Variants in DHX57 observed in about 807,000 individuals in gnomAD.
DHX57 encodes the protein DExH-box helicase 57.
DHX57 carries 105 observed loss-of-function variants against 156.2 expected under a neutral mutation model. That is an observed-to-expected ratio of 0.67 (90% CI 0.57 to 0.79). The LOEUF (loss-of-function observed/expected upper bound fraction) is 0.79, where lower values mean the gene tolerates loss of function less well. DHX57 is among the 30% of genes least tolerant of loss of function. The probability of loss-of-function intolerance (pLI) is 0.00; values close to 1 mark genes in which losing one functional copy is unlikely to be tolerated. For synonymous variants in DHX57, 704 were observed against 595.6 expected (o/e 1.18, Z -2.65); for missense variants, 1,847 against 1,661.9 (o/e 1.11, Z -1.94).
At chr2:38,810,657 C>T in intron 21 of DHX57, 1 of 677,824 alleles carries the variant, frequency 1.5e-6, no homozygotes, top group East Asian at 3.1e-5. Context: ...GGTCCTGGGA[C>T]TTGGCAATGC....
chr2:38,848,662 A>G (rs570813582), intron 9 of DHX57, among the ~76,000 whole-genome samples: 1 of 152,336 alleles, frequency 6.6e-6, no homozygotes. Context: ...GCATATACAT[A>G]ATGAGATATC....
In DHX57 at chr2:38,845,483, A is replaced by G. The variant is rs191649304; in HGVS notation, c.2219+1536T>C. On this transcript the variant is annotated intron_variant, in intron 11 of 23. Transcript: ENST00000457308. ...GGGGGGCTTATTAGAGAAGGAAGGA[A>G]CAGAGAAGGAGAAAAATTCTGACTT... Among the ~76,000 whole-genome samples the G allele has an allele frequency of 1.4e-3, 213 of 152,140 alleles. 2 individuals carry two copies. The highest frequency in any genetic ancestry group is 5.0e-3 in the African/African-American group (208 of 41,508).
chr2:38,873,275 G>C (rs1259197336), intron 1 of DHX57, among the ~76,000 whole-genome samples: 2 of 152,144 alleles, frequency 1.3e-5, no homozygotes, highest in African/African-American at 4.8e-5. Flanking sequence ...ACAGGCGTGA[G>C]CCACTGTGCC....
intron 1 of DHX57, among the ~76,000 whole-genome samples, chr2:38,869,617 C>T (rs1249084242): frequency 1.3e-5 from 2 of 152,180 alleles, no homozygotes; most frequent in Non-Finnish European, 2.9e-5. Flanking sequence ...AGAGGAGCAA[C>T]AACAGAGGCT....
rs758961285 is a variant in DHX57 at position 38,806,544 on chromosome 2, C to T, written c.3816+15G>A. 1 of 1,612,144 alleles carries T rather than the reference C, an allele frequency of 6.2e-7. No individual in the cohort carries two copies. Among genetic ancestry groups the T allele is most frequent in the Admixed American group, 1.7e-5 (1 of 59,572 alleles). ...GGACGACCTGTAAACATTAAGTATA[C>T]TCCACCATTCTGACCTGATAGTTCA... On this transcript the variant is annotated intron_variant, in intron 22 of 23. Coordinates refer to ENST00000457308, the MANE Select transcript of DHX57 (RefSeq NM_198963.3).
chr2:38,823,406 C>T (rs1379026878), intron 16 of DHX57, 137 bp from the exon 17 acceptor site: 3 of 862,284 alleles, frequency 3.5e-6, no homozygotes, highest in Admixed American at 2.9e-5. Flanking sequence ...CTACTTCTAC[C>T]AATAAACCAC....
intron 14 of DHX57, among the ~76,000 whole-genome samples, 184 bp from the exon 15 acceptor site, chr2:38,826,873 G>C (rs879426944): frequency 1.3e-5 from 2 of 152,180 alleles, no homozygotes; most frequent in Admixed American, 6.6e-5. Context: ...GCTCACACCT[G>C]TAATCCCAGC....
At chr2:38,825,209 G>A (rs1671029968) in intron 16 of DHX57, among the ~76,000 whole-genome samples, 1 of 151,894 alleles carries the variant, frequency 6.6e-6, no homozygotes, top group Admixed American at 6.6e-5. Flanking sequence ...GTATATTTTT[G>A]GTACCTAGCC....
chr2:38,822,061 C>T (rs1670845402), intron 17 of DHX57, among the ~76,000 whole-genome samples: 1 of 152,052 alleles, frequency 6.6e-6, no homozygotes, highest in Admixed American at 6.6e-5. Context: ...GGCTTTATAC[C>T]ACTGAATTCT....
chr2:38,810,555 C>G, intron 21 of DHX57: 1 of 572,948 alleles, frequency 1.7e-6, no homozygotes, highest in African/African-American at 1.8e-5. Flanking sequence ...TCATGCTCAC[C>G]TGCTCTCCAC....
intron 16 of DHX57, 120 bp from the exon 17 acceptor site, chr2:38,823,389 A>C: frequency 2.9e-5 from 30 of 1,050,174 alleles, no homozygotes; most frequent in Non-Finnish European, 3.6e-5. Flanking sequence ...TTAAAATCTC[A>C]TGTTTTCTAC....
At chr2:38,810,422 T>C (rs895321850) in intron 21 of DHX57, 14 of 518,822 alleles carry the variant, frequency 2.7e-5, no homozygotes, top group Non-Finnish European at 5.3e-5. Context: ...TAGCTCCCCA[T>C]TGTACAGGGG....
intron 12 of DHX57, 24 bp from the exon 13 acceptor site, chr2:38,837,971 G>A (rs950457066): frequency 2.1e-6 from 3 of 1,426,164 alleles, no homozygotes; most frequent in African/African-American, 1.4e-5. Flanking sequence ...AGGTAAAAAT[G>A]AGAAGGATAT....
chr2:38,833,032 G>T (rs552959898), intron 13 of DHX57, among the ~76,000 whole-genome samples: 7 of 146,664 alleles, frequency 4.8e-5, no homozygotes, highest in African/African-American at 1.8e-4. Context: ...TTGTTGCTTG[G>T]TGGTGAGCCA....
At chr2:38,860,012 T>C (rs1178085066) in intron 5 of DHX57, among the ~76,000 whole-genome samples, 1 of 151,634 alleles carries the variant, frequency 6.6e-6, no homozygotes, top group Non-Finnish European at 1.5e-5. Context: ...AGAGATGGGG[T>C]CTCATTATGC....
chr2:38,805,206 C>A (rs993881004), intron 22 of DHX57, among the ~76,000 whole-genome samples: 5 of 152,182 alleles, frequency 3.3e-5, no homozygotes, highest in African/African-American at 7.2e-5. Context: ...TGGTTCCTAA[C>A]AGGCTGAAAA....
Position 38,823,275 on chromosome 2 carries a change from A to G in DHX57, c.3015-6T>C. 1 of 1,607,740 alleles carries G rather than the reference A, an allele frequency of 6.2e-7. No individual in the cohort carries two copies. Among genetic ancestry groups the G allele is most frequent in the Non-Finnish European group, 8.5e-7 (1 of 1,174,918 alleles). Reference sequence around the variant, plus strand: ...ACATCTCTAAAATTTTAATTCTGAAAAGGAAACAAAATAATAATTTGTCAA... The same window carrying G: ...ACATCTCTAAAATTTTAATTCTGAAGAGGAAACAAAATAATAATTTGTCAA... On this transcript the variant is annotated splice_polypyrimidine_tract_variant and splice_region_variant and intron_variant, in intron 16 of 23. Transcript: ENST00000457308.
rs1386777319 is a variant in DHX57 at position 38,861,375 on chromosome 2, A to G, written c.1035T>C (p.Ala345=). The change falls in exon 5 of 24, where the codon GCT becomes GCC. Residue 345 remains alanine, a synonymous_variant. Transcript: ENST00000457308. ...CATATAAAAAAGATGCATCTTCAAT[A>G]GCATTAAGATGAGAATCATCTACAC... The part of the protein sequence containing the change: ...ERSVDDSHLN[A]IEDASFLYEL... 5.6e-6 allele frequency: 9 copies of G among 1,613,520 alleles called. No individual in the cohort carries two copies. Among genetic ancestry groups the G allele is most frequent in the Non-Finnish European group, 7.6e-6 (9 of 1,179,828 alleles).
In DHX57 at chr2:38,844,629, C is replaced by CAAA; in HGVS notation, c.2220-1422_2220-1420dup. On this transcript the variant is annotated intron_variant, in intron 11 of 23. Transcript: ENST00000457308. ...TGGGCGACAGAGCGAGACTCCGTCT[C>CAAA]AAAAAAAAAAAAAAAAAAAAAAAAA... Among the ~76,000 whole-genome samples the CAAA allele has an allele frequency of 2.8e-3, 5 of 1,816 alleles. 1 individual carries two copies. Among genetic ancestry groups the CAAA allele is most frequent in the African/African-American group, 2.9e-3 (5 of 1,750 alleles). The allele number at this position is 1,816 out of a possible 152,430, so 1.2% of individuals were successfully genotyped here.
Sources: allele counts gnomAD v4.1 joint callset (sites outside exome capture counted in the v4.1 genomes callset), GRCh38; gene constraint gnomAD v4.1.1; transcripts MANE v1.5; gene names NCBI Gene and HGNC (gene_info 2026-07-23, HGNC 2026-07-21).